ZBED6: variants seen among roughly 807,000 people sequenced by gnomAD.
The protein encoded by ZBED6 is zinc finger BED domain-containing protein 6.
In ZBED6, 40 loss-of-function variants were observed where a neutral mutation model predicts 58.4. That is an observed-to-expected ratio of 0.68 (90% confidence interval 0.53 to 0.89). The LOEUF (loss-of-function observed/expected upper bound fraction) is 0.89, where lower values mean the gene tolerates loss of function less well. Among genes scored for constraint, ZBED6 ranks in the 40% least tolerant of loss-of-function variants. ZBED6 has a pLI of 0.00. For missense variants in ZBED6, 1,057 were observed against 1,003.9 expected, an observed-to-expected ratio of 1.05 and a Z score of -0.71; for synonymous variants, 439 against 350.6, an observed-to-expected ratio of 1.25 and a Z score of -2.82.
chr1:203,796,162 C>T (rs1056532067), exon 1 of ZBED6: 2 of 321,006 alleles, frequency 6.2e-6, no homozygotes, highest in Non-Finnish European at 1.1e-5. Context: ...TCCCCCGAAT[C>T]CCGAAGAGAG....
intron 9 of ZBED6, among the ~76,000 whole-genome samples, chr1:203,835,393 A>G (rs1572228065): frequency 6.6e-6 from 1 of 152,234 alleles, no homozygotes; most frequent in East Asian, 1.9e-4. Flanking sequence ...AGATGAATAC[A>G]TTACACGTTA....
intron 15 of ZBED6, 103 bp downstream of exon 15, chr1:203,850,784 C>T: frequency 1.4e-6 from 2 of 1,439,966 alleles, no homozygotes; most frequent in Non-Finnish European, 1.9e-6. Flanking sequence ...CACTTCCTGG[C>T]ATTTCCTAGC....
rs534820050 is a variant in ZBED6 at position 203,834,185 on chromosome 1, G to T, written c.*3573+332G>T. 1.6e-5 allele frequency: 10 copies of T among 619,146 alleles called. No homozygotes were observed. In the South Asian group the frequency reaches 6.4e-4, roughly 40 times the overall value. The allele number at this position is 619,146 out of a possible 1,614,324, so 38.4% of individuals were successfully genotyped here. ...AAAATGATTGGTTAATATAATGTGT[G>T]TCTCTTAGAATACAGGAATCCCTAA... On this transcript the variant is annotated intron_variant, in intron 9 of 16. Transcript: ENST00000550078.
At chr1:203,797,656 A>G (rs1426545294) in exon 1 of ZBED6, 1 of 1,536,056 alleles carries the variant, frequency 6.5e-7, no homozygotes, top group African/African-American at 1.4e-5. Flanking sequence ...GTGGTAGAGG[A>G]AAAGATGGTA....
chr1:203,823,358 T>C (rs892413208), intron 3 of ZBED6, among the ~76,000 whole-genome samples: 6 of 152,210 alleles, frequency 3.9e-5, no homozygotes, highest in Admixed American at 6.5e-5. Context: ...AATGCAGCAA[T>C]GCATGTGTGG....
At position 203,796,530 on chromosome 1, in the gene ZBED6, G is replaced by T; in HGVS notation, c.-993G>T. On this transcript the variant is annotated 5_prime_UTR_variant, in exon 1 of 17. Transcript: ENST00000550078. ...TCCTATGGGGAAGGCCTATATTGTT[G>T]ACATCTTCCAGGCCTTGGTTCTGGA... 3 of 398,880 alleles carry T rather than the reference G, an allele frequency of 7.5e-6. No homozygotes were observed. In the South Asian group the frequency reaches 3.8e-4, roughly 51 times the overall value. 24.7% of individuals were successfully genotyped at this position (398,880 alleles called of 1,614,324 possible). A position where few individuals can be genotyped will look rare whatever the true frequency, so the allele number is the denominator to read the frequency against.
At chr1:203,825,618 T>C (rs961193741) in intron 3 of ZBED6, among the ~76,000 whole-genome samples, 8 of 152,034 alleles carry the variant, frequency 5.3e-5, no homozygotes, top group African/African-American at 1.9e-4. Flanking sequence ...TATTTTTTAG[T>C]AGAGACGGGG....
chr1:203,816,815 A>G lies in ZBED6; in HGVS notation c.*2555-111A>G, dbSNP rs1676539928. 4 of 406,894 alleles carry G rather than the reference A, an allele frequency of 9.8e-6. No individual in the cohort carries two copies. In the East Asian group the frequency reaches 1.2e-4, roughly 13 times the overall value. 25.2% of individuals were successfully genotyped at this position (406,894 alleles called of 1,614,324 possible). ...TGTGTTTACAAGGCTCTGTATAAGC[A>G]AGGTCGTATTAATAAAATTTGACTC... On this transcript the variant is annotated intron_variant, in intron 1 of 16. Coordinates refer to ENST00000550078, the Ensembl canonical transcript of ZBED6.
chr1:203,798,532 CTG>C lies in ZBED6; in HGVS notation c.1011_1012del (p.Arg339LysfsTer2). On this transcript the variant is annotated frameshift_variant, in exon 1 of 17. Coordinates refer to ENST00000550078, the Ensembl canonical transcript of ZBED6. LOFTEE classifies it high-confidence loss of function. ...GCAAATGGATTAGATGAAGCTGAGA[CTG>C]AGAGAAGTGATCTCTTGAGTGATAC... is the stretch of plus-strand genomic sequence containing the variant. 6.5e-7 allele frequency: 1 copy of C among 1,536,110 alleles called. No individual in the cohort carries two copies. Among genetic ancestry groups the C allele is most frequent in the Non-Finnish European group, 8.7e-7 (1 of 1,146,912 alleles).
rs1027891380 is a variant in ZBED6 at position 203,797,609 on chromosome 1, A to G, written c.87A>G (p.Gly29=). 12 of 1,535,546 alleles carry G rather than the reference A, an allele frequency of 7.8e-6. No individual in the cohort carries two copies. The African/African-American group carries it at 1.2e-4, about 16-fold the overall frequency. ...CTTTTAGTGATTCTGGGATTCTGGG[A>G]TGTGTTCCTATTAATTCTAATACAG... Residue 29 remains glycine (G), a synonymous_variant, in exon 1 of 17, where the codon GGA becomes GGG. Transcript: ENST00000550078.
At chr1:203,808,529 C>T (rs1056545460) in intron 1 of ZBED6, among the ~76,000 whole-genome samples, 3 of 152,146 alleles carry the variant, frequency 2.0e-5, no homozygotes, top group African/African-American at 4.8e-5. Flanking sequence ...CTTTCATAAT[C>T]TCTACAAATT....
intron 3 of ZBED6, among the ~76,000 whole-genome samples, chr1:203,826,412 A>G (rs138566473): frequency 6.6e-6 from 1 of 151,864 alleles, no homozygotes; most frequent in African/African-American, 2.4e-5. Context: ...TACTTTAAAA[A>G]TATTAATAGG....
At chr1:203,799,133 C>G (rs1490871294) in exon 1 of ZBED6, 3 of 1,505,084 alleles carry the variant, frequency 2.0e-6, no homozygotes, top group Non-Finnish European at 2.7e-6. Context: ...GTTTGATAAC[C>G]AATATTTTAC....
In ZBED6 at chr1:203,801,317, C is replaced by G. The variant is rs1294420181; in HGVS notation, c.*855C>G. On this transcript the variant is annotated 3_prime_UTR_variant, in exon 1 of 17. Transcript: ENST00000550078. ...CTTTTTAAAAACATACTTAATGACC[C>G]ATTATACTGTATTAACTGTGCGGTT... 8 of 152,210 alleles carry G rather than the reference C, an allele frequency of 5.3e-5. No individual in the cohort carries two copies. The East Asian group carries it at 1.5e-3, about 29-fold the overall frequency. The allele number at this position is 152,210 out of a possible 1,614,324, so 9.4% of individuals were successfully genotyped here.
chr1:203,829,911 G>C lies in ZBED6; in HGVS notation c.*3318+15G>C, dbSNP rs535213570. Reference sequence around the variant, plus strand: ...TATAAAGCAAGGTAAGAAGAGGCTAGATTGGTGCCTCTTATAGCACTGTTG... The same window carrying C: ...TATAAAGCAAGGTAAGAAGAGGCTACATTGGTGCCTCTTATAGCACTGTTG... On this transcript the variant is annotated intron_variant, in intron 6 of 16. Transcript: ENST00000550078. 1 of 1,595,898 alleles carries C rather than the reference G, an allele frequency of 6.3e-7. No homozygotes were observed. Among genetic ancestry groups the C allele is most frequent in the African/African-American group, 1.3e-5 (1 of 74,630 alleles).
intron 10 of ZBED6, among the ~76,000 whole-genome samples, chr1:203,838,954 CAAAAAAA>C (rs59033094): frequency 1.0e-5 from 1 of 97,944 alleles, no homozygotes; most frequent in African/African-American, 4.3e-5. Context: ...GACTTCATCT[CAAAAAAA>C]AAAAAAAAAA....
chr1:203,824,236 C>T (rs1265167266), intron 3 of ZBED6, among the ~76,000 whole-genome samples: 1 of 150,336 alleles, frequency 6.7e-6, no homozygotes, highest in Non-Finnish European at 1.5e-5. Flanking sequence ...CCACTGTACT[C>T]CAGCCTGGGC....
chr1:203,798,950 A>G (rs1202965421), exon 1 of ZBED6: 4 of 1,536,004 alleles, frequency 2.6e-6, no homozygotes, highest in Admixed American at 3.9e-5. Flanking sequence ...AGAATGTTCA[A>G]AGCCAAAAGA....
At chr1:203,798,077 C>G in exon 1 of ZBED6, 12 of 1,536,088 alleles carry the variant, frequency 7.8e-6, no homozygotes, top group Non-Finnish European at 9.6e-6. Flanking sequence ...CTCATTGGAC[C>G]AGGGCCAACA....
Sources: allele counts gnomAD v4.1 joint callset (sites outside exome capture counted in the v4.1 genomes callset), GRCh38; gene constraint gnomAD v4.1.1; transcripts MANE v1.5; gene names NCBI Gene and HGNC (gene_info 2026-07-23, HGNC 2026-07-21).